The following ABAT variants were observed in gnomAD, a reference collection of about 807,000 sequenced individuals.
The protein encoded by ABAT is 4-aminobutyrate aminotransferase.
Under a neutral mutation model 64.6 loss-of-function variants are expected in ABAT, and 45 were observed. That is an observed-to-expected ratio of 0.70 (90% CI 0.55 to 0.89). The LOEUF (loss-of-function observed/expected upper bound fraction) is 0.89, where lower values mean the gene tolerates loss of function less well. ABAT is among the 40% of genes least tolerant of loss of function. The pLI is 0.00. For synonymous variants in ABAT, 297 were observed against 250.5 expected (o/e 1.19, Z -1.75); for missense variants, 633 against 658.4 (o/e 0.96, Z 0.42).
intron 5 of ABAT, among the ~76,000 whole-genome samples, chr16:8,756,003 T>C (rs2059639104): frequency 6.6e-6 from 1 of 151,744 alleles, no homozygotes; most frequent in Non-Finnish European, 1.5e-5. Flanking sequence ...GAGCCGAGAT[T>C]GCTCCACTTC....
chr16:8,679,613 C>G (rs1286000968), intron 1 of ABAT, among the ~76,000 whole-genome samples: 1 of 151,540 alleles, frequency 6.6e-6, no homozygotes. Flanking sequence ...ACCATGTGTT[C>G]CGACCCCCAG....
At position 8,706,579 on chromosome 16, in the gene ABAT, T is replaced by C. The variant is rs1430221190; in HGVS notation, c.-41-29120T>C. ...AAATACAAAAATTAGCCGGGTGTGG[T>C]GGCACGCTCCTGTAATCCAGCTACT... On this transcript the variant is annotated intron_variant, in intron 1 of 15. Coordinates refer to ENST00000268251, the MANE Select transcript of ABAT (RefSeq NM_020686.6). 2.0e-5 allele frequency among the ~76,000 whole-genome samples: 3 copies of C among 151,920 alleles called. No homozygotes were observed. The South Asian group carries it at 6.2e-4, about 32-fold the overall frequency.
At chr16:8,691,617 T>C (rs761073227) in intron 1 of ABAT, among the ~76,000 whole-genome samples, 10 of 152,292 alleles carry the variant, frequency 6.6e-5, no homozygotes, top group Non-Finnish European at 1.3e-4. Flanking sequence ...ATTTTTGTAT[T>C]TTTAATAGAG....
intron 2 of ABAT, 115 bp from the exon 3 acceptor site, chr16:8,745,886 G>T: frequency 2.1e-6 from 2 of 964,746 alleles, no homozygotes; most frequent in South Asian, 2.7e-5. Context: ...GTCTGGCTGG[G>T]ATGAGGCTAA....
Position 8,710,694 on chromosome 16 carries a change from CAG to C in ABAT, c.-41-24970_-41-24969del, listed in dbSNP as rs558327984. On this transcript the variant is annotated intron_variant, in intron 1 of 15. Coordinates refer to ENST00000268251, the MANE Select transcript of ABAT (RefSeq NM_020686.6). ...GGTTAAGGCTGCACTGAGAGAGAGACAGAGAGAGAGAGAGAGAGAGAGAGAGA... is the reference window on the plus strand; with the variant it reads ...GGTTAAGGCTGCACTGAGAGAGAGACAGAGAGAGAGAGAGAGAGAGAGAGA... 3.5e-3 allele frequency among the ~76,000 whole-genome samples: 425 copies of C among 122,010 alleles called. 2 individuals are homozygous for C. Among genetic ancestry groups the C allele is most frequent in the African/African-American group, 8.6e-3 (287 of 33,328 alleles). 80.0% of individuals were successfully genotyped at this position (122,010 alleles called of 152,430 possible).
intron 1 of ABAT, among the ~76,000 whole-genome samples, chr16:8,693,118 G>C (rs1431963160): frequency 6.6e-6 from 1 of 152,164 alleles, no homozygotes; most frequent in East Asian, 1.9e-4. Context: ...GACTCCCAAA[G>C]TGTTGGGATT....
intron 5 of ABAT, among the ~76,000 whole-genome samples, chr16:8,756,451 C>G (rs1176663168): frequency 6.6e-6 from 1 of 151,756 alleles, no homozygotes; most frequent in African/African-American, 2.4e-5. Flanking sequence ...GTAGAACCTG[C>G]CGGTTTGTTA....
intron 6 of ABAT, among the ~76,000 whole-genome samples, chr16:8,758,250 G>A (rs544862005): frequency 6.6e-6 from 1 of 152,302 alleles, no homozygotes; most frequent in East Asian, 1.9e-4. Context: ...ATTTGCCCGA[G>A]GTCACACAGC....
intron 2 of ABAT, among the ~76,000 whole-genome samples, chr16:8,737,931 AAAAGAAAGGAAAGG>A (rs2059000874): frequency 4.7e-5 from 5 of 107,430 alleles, no homozygotes; most frequent in Non-Finnish European, 7.6e-5. Flanking sequence ...AAAAAAAAAA[AAAAGAAAGGAAAGG>A]AAGAAAGGAA....
Position 8,782,835 on chromosome 16 carries a change from C to T in ABAT, c.*1405C>T, listed in dbSNP as rs7201586. 0.27 allele frequency: 40,510 copies of T among 152,050 alleles called. 5,510 individuals carry two copies. Among genetic ancestry groups the T allele is most frequent in the East Asian group, 0.34 (1,764 of 5,174 alleles). The allele number at this position is 152,050 out of a possible 1,614,324, so 9.4% of individuals were successfully genotyped here. ...TCCAAAAGGAAGCCTCTTCATCTCCCGGTGCCTTGGTTGACTATTTTGGAA... is the reference window on the plus strand; with the variant it reads ...TCCAAAAGGAAGCCTCTTCATCTCCTGGTGCCTTGGTTGACTATTTTGGAA... On this transcript the variant is annotated 3_prime_UTR_variant, in exon 16 of 16. Coordinates refer to ENST00000268251, the MANE Select transcript of ABAT (RefSeq NM_020686.6).
chr16:8,750,236 C>T (rs535298562), intron 4 of ABAT, among the ~76,000 whole-genome samples, 186 bp from the exon 5 acceptor site: 5 of 152,110 alleles, frequency 3.3e-5, no homozygotes, highest in African/African-American at 1.2e-4. Flanking sequence ...GCTTACTGAA[C>T]TATTATAAAG....
chr16:8,692,094 C>G (rs898885651), intron 1 of ABAT, among the ~76,000 whole-genome samples: 8 of 152,070 alleles, frequency 5.3e-5, no homozygotes, highest in Non-Finnish European at 7.4e-5. Flanking sequence ...GTCAGTAAAA[C>G]GTGGGCCAGT....
chr16:8,719,588 T>C (rs992346552), intron 1 of ABAT, among the ~76,000 whole-genome samples: 1 of 152,126 alleles, frequency 6.6e-6, no homozygotes, highest in Non-Finnish European at 1.5e-5. Context: ...ATCAGCTTCT[T>C]TCTCATGAAA....
At chr16:8,711,781 T>G (rs2058081147) in intron 1 of ABAT, among the ~76,000 whole-genome samples, 1 of 137,466 alleles carries the variant, frequency 7.3e-6, no homozygotes, top group Non-Finnish European at 1.6e-5. Context: ...GATGGATGGA[T>G]GGGAAGATGG....
At chr16:8,725,948 T>G (rs2142244758) in intron 1 of ABAT, among the ~76,000 whole-genome samples, 1 of 152,252 alleles carries the variant, frequency 6.6e-6, no homozygotes, top group African/African-American at 2.4e-5. Flanking sequence ...CCCAGCTCAG[T>G]GACCCCAGCA....
At chr16:8,722,033 C>A (rs142349669) in intron 1 of ABAT, among the ~76,000 whole-genome samples, 2 of 152,186 alleles carry the variant, frequency 1.3e-5, no homozygotes, top group Non-Finnish European at 2.9e-5. Flanking sequence ...AATTCCTATT[C>A]TGTTTGATTT....
Position 8,768,830 on chromosome 16 carries a change from T to C in ABAT, c.673T>C (p.Leu225=). The C allele has an allele frequency of 1.2e-6, 2 of 1,614,198 alleles. No homozygotes were observed. The highest frequency in any genetic ancestry group is 2.2e-5 in the East Asian group (1 of 44,886). ...GAFHGRTMGC[L]ATTHSKAIHK... Reference sequence around the variant, plus strand: ...TTCTGTTTTGCTGAACTCAGGTTGCTTAGCGACCACGCACTCTAAAGCCAT... The same window carrying C: ...TTCTGTTTTGCTGAACTCAGGTTGCCTAGCGACCACGCACTCTAAAGCCAT... Residue 225 remains leucine, a synonymous_variant, in exon 11 of 16, where the codon TTA becomes CTA. Coordinates refer to ENST00000268251, the MANE Select transcript of ABAT (RefSeq NM_020686.6).
intron 5 of ABAT, among the ~76,000 whole-genome samples, chr16:8,756,058 A>G (rs2059641145): frequency 6.6e-6 from 1 of 151,410 alleles, no homozygotes; most frequent in African/African-American, 2.4e-5. Flanking sequence ...CAAAAAAAAA[A>G]CAAAATTAGC....
intron 1 of ABAT, chr16:8,722,867 G>C (rs1346136036): frequency 3.6e-5 from 46 of 1,288,908 alleles, no homozygotes; most frequent in Non-Finnish European, 4.6e-5. Flanking sequence ...TGGGGAAAAT[G>C]CTGTGGCAAA....
Sources: gnomAD v4.1 joint callset for allele counts (sites outside exome capture counted in the v4.1 genomes callset) on GRCh38, gnomAD v4.1.1 for gene constraint, MANE v1.5 for transcripts, NCBI Gene and HGNC (gene_info 2026-07-23, HGNC 2026-07-21) for gene names.